Variants in POU6F2 observed in about 807,000 individuals in gnomAD.
POU6F2 encodes the protein POU class 6 homeobox 2, also known as POU domain, class 6, transcription factor 2.
Under a neutral mutation model 71.3 loss-of-function variants are expected in POU6F2, and 31 were observed. That is an observed-to-expected ratio of 0.43 (90% CI 0.33 to 0.59). The LOEUF (loss-of-function observed/expected upper bound fraction) is 0.59. POU6F2 is among the 20% of genes least tolerant of loss of function. POU6F2 has a pLI of 0.04. For missense variants in POU6F2, 783 were observed against 856.8 expected (o/e 0.91, Z 1.07); for synonymous variants, 347 against 355.7 (o/e 0.98, Z 0.27).
intron 1 of POU6F2, among the ~76,000 whole-genome samples, chr7:39,020,203 T>C (rs1252702961): frequency 1.3e-5 from 2 of 152,154 alleles, no homozygotes; most frequent in African/African-American, 4.8e-5. Flanking sequence ...GGATCAAAGA[T>C]TTCCTCAGGC....
intron 1 of POU6F2, among the ~76,000 whole-genome samples, chr7:38,978,670 C>T (rs1788239939): frequency 6.6e-6 from 1 of 152,164 alleles, no homozygotes; most frequent in Non-Finnish European, 1.5e-5. Flanking sequence ...GGTCTGCTCG[C>T]GCTTCCTAAT....
chr7:39,124,246 C>G (rs745699454), intron 2 of POU6F2, among the ~76,000 whole-genome samples: 22 of 152,194 alleles, frequency 1.4e-4, no homozygotes, highest in Non-Finnish European at 2.6e-4. Context: ...GGGGTTTCAC[C>G]ATGTTGGTCA....
At chr7:39,388,497 G>A (rs1356441480) in intron 5 of POU6F2, among the ~76,000 whole-genome samples, 1 of 152,074 alleles carries the variant, frequency 6.6e-6, no homozygotes, top group Non-Finnish European at 1.5e-5. Context: ...TGTAATTTTA[G>A]TAGAGACAGG....
intron 7 of POU6F2, among the ~76,000 whole-genome samples, chr7:39,450,391 C>G (rs1788630090): frequency 6.6e-6 from 1 of 152,154 alleles, no homozygotes; most frequent in Admixed American, 6.5e-5. Context: ...ATCCAATCAA[C>G]AAAGATGGCT....
chr7:39,399,011 C>G lies in POU6F2; in HGVS notation c.973-7589C>G, dbSNP rs1465611224. On this transcript the variant is annotated intron_variant, in intron 5 of 9. Transcript: ENST00000518318. ...GCAATCTAGTTCCATATTTCAAGTT[C>G]TTAATCGTTTCACTGTGCTGCTTCC... is the stretch of plus-strand genomic sequence containing the variant. Among the ~76,000 whole-genome samples the G allele has an allele frequency of 4.6e-5, 7 of 152,178 alleles. No individual in the cohort carries two copies. In the South Asian group the frequency reaches 6.2e-4, roughly 14 times the overall value.
At position 39,406,678 on chromosome 7, in the gene POU6F2, G is replaced by A. The variant is rs773606054; in HGVS notation, c.1051G>A (p.Gly351Ser). 23 of 1,613,626 alleles carry A rather than the reference G, an allele frequency of 1.4e-5. No individual in the cohort carries two copies. Among genetic ancestry groups the A allele is most frequent in the Non-Finnish European group, 1.9e-5 (22 of 1,179,854 alleles). ...CTCCATAGCAAGCTCACAGGCCTTT[G>A]GCAATGCCCTCTCCAGTCTTCAGGG... is the stretch of plus-strand genomic sequence containing the variant. ...MSSIASSQAF[G>S]NALSSLQGVT... Residue 351 changes from glycine to serine, a missense_variant, in exon 6 of 10, where the codon GGC (glycine) becomes AGC (serine). Coordinates refer to ENST00000518318, the MANE Select transcript of POU6F2 (RefSeq NM_001370959.1).
intron 4 of POU6F2, among the ~76,000 whole-genome samples, chr7:39,231,644 A>G (rs1794577059): frequency 6.6e-6 from 1 of 152,080 alleles, no homozygotes; most frequent in Non-Finnish European, 1.5e-5. Context: ...GAATGTGGGT[A>G]CAATACGATA....
At chr7:39,022,364 G>T (rs891421392) in intron 1 of POU6F2, among the ~76,000 whole-genome samples, 4 of 151,734 alleles carry the variant, frequency 2.6e-5, no homozygotes, top group Non-Finnish European at 4.4e-5. Context: ...TTATCTGTAG[G>T]TGTTATTAAT....
At chr7:39,126,294 T>C (rs986215142) in intron 2 of POU6F2, among the ~76,000 whole-genome samples, 1 of 152,178 alleles carries the variant, frequency 6.6e-6, no homozygotes, top group African/African-American at 2.4e-5. Context: ...GAGGCAAACT[T>C]TGGTTTGGTT....
chr7:39,379,136 TG>T, intron 5 of POU6F2, among the ~76,000 whole-genome samples: 1 of 152,210 alleles, frequency 6.6e-6, no homozygotes, highest in Admixed American at 6.5e-5. Flanking sequence ...AGGAGGGCTC[TG>T]GGGGAAAGAA....
At chr7:39,021,187 G>C (rs1208538002) in intron 1 of POU6F2, among the ~76,000 whole-genome samples, 1 of 151,728 alleles carries the variant, frequency 6.6e-6, no homozygotes, top group Non-Finnish European at 1.5e-5. Flanking sequence ...TTTGGTATAT[G>C]CTTACAATGT....
In POU6F2 at chr7:39,451,738, G is replaced by C. The variant is rs371263612; in HGVS notation, c.1489+37G>C. ...TTCTGGCTCGGTTTAAATCGTGGTG[G>C]CCTTCTTGTTGCCTATTTGCAATGT... On this transcript the variant is annotated intron_variant, in intron 8 of 9. Coordinates refer to ENST00000518318, the MANE Select transcript of POU6F2 (RefSeq NM_001370959.1). 138 of 1,532,220 alleles carry C rather than the reference G, an allele frequency of 9.0e-5. No individual in the cohort carries two copies. In the African/African-American group the frequency reaches 1.4e-3, roughly 16 times the overall value. The allele number at this position is 1,532,220 out of a possible 1,614,324, so 94.9% of individuals were successfully genotyped here. A position where few individuals can be genotyped will look rare whatever the true frequency, so the allele number is the denominator to read the frequency against.
At chr7:39,037,893 C>T (rs375630270) in intron 1 of POU6F2, among the ~76,000 whole-genome samples, 4 of 152,000 alleles carry the variant, frequency 2.6e-5, no homozygotes, top group African/African-American at 7.2e-5. Context: ...GACCATTTAC[C>T]GCCCCATATT....
chr7:39,406,852 A>C, intron 6 of POU6F2, 112 bp downstream of exon 6: 1 of 1,399,830 alleles, frequency 7.1e-7, no homozygotes, highest in East Asian at 2.3e-5. Context: ...CGAGGCAAAT[A>C]AATAATGTTT....
At chr7:39,443,720 C>T (rs959500188) in intron 7 of POU6F2, among the ~76,000 whole-genome samples, 15 of 152,118 alleles carry the variant, frequency 9.9e-5, no homozygotes, top group Non-Finnish European at 2.1e-4. Flanking sequence ...AAGTTAAAAG[C>T]TCAAAAGGTA....
intron 2 of POU6F2, among the ~76,000 whole-genome samples, chr7:39,112,511 A>G (rs1390449427): frequency 6.6e-6 from 1 of 152,242 alleles, no homozygotes; most frequent in Non-Finnish European, 1.5e-5. Context: ...AAATAAAGGC[A>G]GGGCAGAGAA....
Position 39,436,206 on chromosome 7 carries a change from C to T in POU6F2, c.1320+2923C>T, listed in dbSNP as rs146794946. Reference sequence around the variant, plus strand: ...GGTATAGCGTTGAATCTATAAATTACTCTGGGCAGTATGGCCATTTTCACA... The same window carrying T: ...GGTATAGCGTTGAATCTATAAATTATTCTGGGCAGTATGGCCATTTTCACA... On this transcript the variant is annotated intron_variant, in intron 7 of 9. Coordinates refer to ENST00000518318, the MANE Select transcript of POU6F2 (RefSeq NM_001370959.1). Among the ~76,000 whole-genome samples the T allele has an allele frequency of 6.4e-3, 970 of 152,252 alleles. 5 individuals carry two copies. Among genetic ancestry groups the T allele is most frequent in the African/African-American group, 0.022 (929 of 41,554 alleles).
chr7:39,442,087 C>T (rs902091499), intron 7 of POU6F2, among the ~76,000 whole-genome samples: 6 of 152,052 alleles, frequency 3.9e-5, no homozygotes, highest in Non-Finnish European at 7.4e-5. Context: ...CTTGGTGGCT[C>T]TCAGAGACTA....
chr7:39,276,924 G>A (rs982887321), intron 4 of POU6F2, among the ~76,000 whole-genome samples: 8 of 132,812 alleles, frequency 6.0e-5, no homozygotes, highest in African/African-American at 1.9e-4. Flanking sequence ...AGGGGGGAGG[G>A]ATAGCATTAG....
Sources: allele counts gnomAD v4.1 joint callset (sites outside exome capture counted in the v4.1 genomes callset), GRCh38; gene constraint gnomAD v4.1.1; transcripts MANE v1.5; gene names NCBI Gene and HGNC (gene_info 2026-07-23, HGNC 2026-07-21).